SPMIP2: variants seen among roughly 807,000 people sequenced by gnomAD.
The protein encoded by SPMIP2 is protein SPMIP2.
chr4:158,965,541 G>T, the SPMIP2 span, among the ~76,000 whole-genome samples: 2 of 151,970 alleles, frequency 1.3e-5, no homozygotes, highest in African/African-American at 4.8e-5. Flanking sequence ...TAATTCTAAG[G>T]TTAGGAAGTA....
chr4:159,075,414 C>G, the SPMIP2 span, among the ~76,000 whole-genome samples: 1 of 152,284 alleles, frequency 6.6e-6, no homozygotes, highest in Non-Finnish European at 1.5e-5. Flanking sequence ...TTTCCTTTAA[C>G]ATTTTTTTCT....
chr4:158,957,948 A>G, the SPMIP2 span, among the ~76,000 whole-genome samples: 1 of 152,154 alleles, frequency 6.6e-6, no homozygotes, highest in East Asian at 1.9e-4. Flanking sequence ...CATGAATTAT[A>G]TTTGTAATTT....
the SPMIP2 span, among the ~76,000 whole-genome samples, chr4:159,030,910 T>A: frequency 6.6e-6 from 1 of 152,252 alleles, no homozygotes; most frequent in African/African-American, 2.4e-5. Context: ...TTTCTCATCC[T>A]CTACATGGTT....
the SPMIP2 span, among the ~76,000 whole-genome samples, chr4:158,991,398 T>C: frequency 0.98 from 149,741 of 152,294 alleles, 73,660 homozygotes; most frequent in East Asian, 1. Flanking sequence ...AAGTGCAAGG[T>C]GGGCAAGGGC....
the SPMIP2 span, among the ~76,000 whole-genome samples, chr4:159,047,928 T>C: frequency 3.3e-5 from 5 of 152,214 alleles, no homozygotes; most frequent in Non-Finnish European, 5.9e-5. Context: ...TATGATAGCA[T>C]GTAACAGAAT....
the SPMIP2 span, chr4:158,907,453 G>A: frequency 6.6e-6 from 1 of 152,246 alleles, no homozygotes. Flanking sequence ...ATCCCCGCTT[G>A]CTAAATGATA....
At chr4:158,993,856 AAACATGAAAT>A in the SPMIP2 span, among the ~76,000 whole-genome samples, 1 of 152,218 alleles carries the variant, frequency 6.6e-6, no homozygotes, top group Non-Finnish European at 1.5e-5. Context: ...CTTTCCTTAA[AAACATGAAAT>A]AACATGAAAT....
the SPMIP2 span, among the ~76,000 whole-genome samples, chr4:158,959,594 A>G: frequency 7.2e-5 from 11 of 152,308 alleles, no homozygotes; most frequent in African/African-American, 2.6e-4. Context: ...TCAACAATTA[A>G]AAGTGAAGTA....
chr4:159,009,927 G>A, the SPMIP2 span, among the ~76,000 whole-genome samples: 1 of 152,144 alleles, frequency 6.6e-6, no homozygotes. Flanking sequence ...TTGGGAGGTC[G>A]AAGCTGCAGT....
chr4:158,979,492 G>T, the SPMIP2 span, among the ~76,000 whole-genome samples: 1 of 152,216 alleles, frequency 6.6e-6, no homozygotes, highest in Non-Finnish European at 1.5e-5. Flanking sequence ...AACACAGAAG[G>T]TGGGTGATTT....
At chr4:159,053,478 A>G in the SPMIP2 span, among the ~76,000 whole-genome samples, 1 of 152,196 alleles carries the variant, frequency 6.6e-6, no homozygotes, top group Non-Finnish European at 1.5e-5. Context: ...TCCCCTAGCC[A>G]TGAACCCCAC....
chr4:158,911,817 T>C, the SPMIP2 span, among the ~76,000 whole-genome samples: 11 of 152,168 alleles, frequency 7.2e-5, no homozygotes, highest in African/African-American at 2.4e-4. Flanking sequence ...AGGAAAAGAA[T>C]GTATCAGTCA....
At chr4:159,057,676 G>A in the SPMIP2 span, among the ~76,000 whole-genome samples, 1 of 151,862 alleles carries the variant, frequency 6.6e-6, no homozygotes. Flanking sequence ...GAAAATAAAT[G>A]GCATGTTTAC....
chr4:158,904,356 T>A, the SPMIP2 span: 1 of 925,668 alleles, frequency 1.1e-6, no homozygotes, highest in African/African-American at 1.7e-5. Context: ...TAAATGATAA[T>A]CTATCAAACT....
chr4:158,999,170 CA>C, the SPMIP2 span, among the ~76,000 whole-genome samples: 1,911 of 37,966 alleles, frequency 0.05, 23 homozygotes, highest in African/African-American at 0.14. Context: ...GACCCTGCCT[CA>C]AAAAAAAAAA....
the SPMIP2 span, among the ~76,000 whole-genome samples, chr4:158,963,806 G>A: frequency 1.3e-5 from 2 of 152,160 alleles, no homozygotes. Flanking sequence ...CCTTGGCAAA[G>A]TGGATTTGAA....
chr4:158,983,215 G>C, the SPMIP2 span, among the ~76,000 whole-genome samples: 1 of 152,058 alleles, frequency 6.6e-6, no homozygotes, highest in African/African-American at 2.4e-5. Context: ...AGGGAGAATG[G>C]AACCAAGTTG....
At chr4:159,020,558 A>T in the SPMIP2 span, among the ~76,000 whole-genome samples, 1 of 152,216 alleles carries the variant, frequency 6.6e-6, no homozygotes, top group South Asian at 2.1e-4. Context: ...GGCCGGTTAG[A>T]GGTAAGGGAG....
the SPMIP2 span, among the ~76,000 whole-genome samples, chr4:158,927,344 CTTT>C: frequency 6.6e-6 from 1 of 152,176 alleles, no homozygotes; most frequent in Admixed American, 6.5e-5. Context: ...GTATTTTTTA[CTTT>C]CACTTTATGT....
Sources: allele counts gnomAD v4.1 joint callset (sites outside exome capture counted in the v4.1 genomes callset), GRCh38; gene constraint gnomAD v4.1.1; transcripts MANE v1.5; gene names NCBI Gene and HGNC (gene_info 2026-07-23, HGNC 2026-07-21).